C2orf69: variants seen among roughly 807,000 people sequenced by gnomAD.
The protein encoded by C2orf69 is chromosome 2 open reading frame 69.
A neutral mutation model predicts 29.5 loss-of-function variants in C2orf69; 19 were observed. The observed-to-expected ratio is 0.65, with a 90% confidence interval of 0.45 to 0.95. The LOEUF (loss-of-function observed/expected upper bound fraction) is 0.95, where lower values mean the gene tolerates loss of function less well. Ranked by LOEUF, C2orf69 falls within the 40% of genes least tolerant of loss-of-function variation. The pLI, the probability that C2orf69 is intolerant of heterozygous loss-of-function variation, is 0.00. For missense variants in C2orf69, 416 were observed against 482.1 expected, an observed-to-expected ratio of 0.86 and a Z score of 1.28; for synonymous variants, 194 against 180.0, an observed-to-expected ratio of 1.08 and a Z score of -0.62.
intron 1 of C2orf69, among the ~76,000 whole-genome samples, chr2:199,920,215 T>A (rs1172430411): frequency 6.6e-6 from 1 of 152,166 alleles, no homozygotes; most frequent in Non-Finnish European, 1.5e-5. Context: ...GCAGAACCAG[T>A]TTGGGCTACC....
rs1339569797 is a variant in C2orf69, at chr2:199,911,488, C to G, written c.50C>G (p.Pro17Arg). The G allele has an allele frequency of 1.1e-5, 17 of 1,547,188 alleles. No individual in the cohort carries two copies. The Admixed American group carries it at 3.0e-4, about 27-fold the overall frequency. Residue 17 changes from proline to arginine, a missense_variant, in exon 1 of 2, where the codon CCG (proline) becomes CGG (arginine). Around this residue, in one of 4 missense-constraint regions of C2orf69, gnomAD observed 175 missense variants for 139.9 expected, o/e 1.25. Transcript: ENST00000319974. ...LRSPPLLLLL[P>R]QLGIGNASSC... ...TCGCCGCCGTTGCTGCTCCTGCTGCCGCAGCTCGGAATCGGAAACGCCTCG... is the reference window on the plus strand; with the variant it reads ...TCGCCGCCGTTGCTGCTCCTGCTGCGGCAGCTCGGAATCGGAAACGCCTCG...
At chr2:199,917,322 T>C (rs1056842102) in intron 1 of C2orf69, among the ~76,000 whole-genome samples, 1 of 152,224 alleles carries the variant, frequency 6.6e-6, no homozygotes, top group Non-Finnish European at 1.5e-5. Flanking sequence ...ATTATCTTGG[T>C]GATGAACATT....
Position 199,926,940 on chromosome 2 carries a change from A to C in C2orf69, c.*1054A>C, listed in dbSNP as rs2077337380. The C allele has an allele frequency of 6.5e-6, 1 of 152,742 alleles. No individual in the cohort carries two copies. The highest frequency in any genetic ancestry group is 1.5e-5 in the Non-Finnish European group (1 of 68,010). The allele number at this position is 152,742 out of a possible 1,614,324, so 9.5% of individuals were successfully genotyped here. On this transcript the variant is annotated 3_prime_UTR_variant, in exon 2 of 2. Transcript: ENST00000319974. ...ATTAAAAAGGAAACAGATTCCATAG[A>C]TCTAAGTCAATGTTTCTCCAGAAGC...
At chr2:199,922,875 T>C (rs1383792853) in intron 1 of C2orf69, among the ~76,000 whole-genome samples, 1 of 152,216 alleles carries the variant, frequency 6.6e-6, no homozygotes, top group Non-Finnish European at 1.5e-5. Flanking sequence ...ATATCAGCCC[T>C]TGGCTCCAGA....
intron 1 of C2orf69, among the ~76,000 whole-genome samples, chr2:199,914,430 A>C (rs2077285753): frequency 2.0e-5 from 3 of 152,180 alleles, no homozygotes; most frequent in Non-Finnish European, 4.4e-5. Flanking sequence ...CATCCATTAG[A>C]ACTGTCTTTC....
At chr2:199,920,095 A>G (rs768852736) in intron 1 of C2orf69, among the ~76,000 whole-genome samples, 1 of 152,190 alleles carries the variant, frequency 6.6e-6, no homozygotes, top group Non-Finnish European at 1.5e-5. Flanking sequence ...TTATGGGGAT[A>G]GTAGTGCATT....
Position 199,911,708 on chromosome 2 carries a change from A to C in C2orf69, c.270A>C (p.Pro90=). 1 of 1,545,372 alleles carries C rather than the reference A, an allele frequency of 6.5e-7. No individual in the cohort carries two copies. The highest frequency in any genetic ancestry group is 8.7e-7 in the Non-Finnish European group (1 of 1,146,910). ...AGCGGCAGGACCTCCCCGGGGACCC[A>C]GCGAAGGAGGAGCCGCAGCCGCCGC... ...GLERQDLPGD[P]AKEEPQPPPQ... Residue 90 remains proline, a synonymous_variant, in exon 1 of 2, where the codon CCA becomes CCC. Transcript: ENST00000319974.
intron 1 of C2orf69, among the ~76,000 whole-genome samples, chr2:199,917,988 T>C (rs1183389677): frequency 6.6e-6 from 1 of 152,134 alleles, no homozygotes; most frequent in Non-Finnish European, 1.5e-5. Flanking sequence ...CTTCTTCATA[T>C]GGTGGTAGGA....
Position 199,922,130 on chromosome 2 carries a change from CTA to C in C2orf69, c.334-2930_334-2929del, listed in dbSNP as rs551239436. 8.2e-3 allele frequency among the ~76,000 whole-genome samples: 1,199 copies of C among 146,200 alleles called. 17 individuals are homozygous for C. Among genetic ancestry groups the C allele is most frequent in the African/African-American group, 0.029 (1,126 of 39,480 alleles). ...CTTTTTTTTGAGGCAAGGTCTAACTCTATTGTCAAGGCTGCAGTGCAGTGGCA... is the reference window on the plus strand; with the variant it reads ...CTTTTTTTTGAGGCAAGGTCTAACTCTTGTCAAGGCTGCAGTGCAGTGGCA... On this transcript the variant is annotated intron_variant, in intron 1 of 1. Coordinates refer to ENST00000319974, the MANE Select transcript of C2orf69 (RefSeq NM_153689.6).
Position 199,913,192 on chromosome 2 carries a change from T to TTC in C2orf69, c.333+1422_333+1423insCT, listed in dbSNP as rs1491312553. Among the ~76,000 whole-genome samples the TTC allele has an allele frequency of 1.1e-4, 11 of 102,746 alleles. 1 individual carries two copies. In the East Asian group the frequency reaches 1.2e-3, roughly 11 times the overall value. The allele number at this position is 102,746 out of a possible 152,430, so 67.4% of individuals were successfully genotyped here. ...TATATTATATATAAAATTATATATA[T>TTC]TATATATAATATATAATATATTATA... is the stretch of plus-strand genomic sequence containing the variant. On this transcript the variant is annotated intron_variant, in intron 1 of 1. Coordinates refer to ENST00000319974, the MANE Select transcript of C2orf69 (RefSeq NM_153689.6).
chr2:199,919,736 T>G (rs1433071898), intron 1 of C2orf69, among the ~76,000 whole-genome samples: 1 of 152,194 alleles, frequency 6.6e-6, no homozygotes, highest in Non-Finnish European at 1.5e-5. Context: ...CCTTGTGACC[T>G]AATCACCTCT....
intron 1 of C2orf69, among the ~76,000 whole-genome samples, chr2:199,923,609 C>T (rs887088280): frequency 6.6e-5 from 10 of 151,742 alleles, no homozygotes; most frequent in African/African-American, 1.9e-4. Context: ...ACTATAAGTA[C>T]GAAATACACA....
intron 1 of C2orf69, among the ~76,000 whole-genome samples, chr2:199,917,978 C>T (rs1235454819): frequency 6.6e-6 from 1 of 152,188 alleles, no homozygotes; most frequent in South Asian, 2.1e-4. Flanking sequence ...CAAACATGCC[C>T]TTCTTCATAT....
chr2:199,918,484 C>T (rs1272608070), intron 1 of C2orf69, among the ~76,000 whole-genome samples: 7 of 152,242 alleles, frequency 4.6e-5, no homozygotes. Flanking sequence ...GCCTCAGCCT[C>T]CTGAGTAGCT....
chr2:199,925,533 GTTTTGAATCAGTTGCT>G lies in C2orf69; in HGVS notation c.814_829del (p.Gln272Ter). 1.2e-6 allele frequency: 2 copies of G among 1,613,864 alleles called. No homozygotes were observed. The highest frequency in any genetic ancestry group is 1.7e-6 in the Non-Finnish European group (2 of 1,179,826). ...GATTGGATTCAGTAAAGGTTGTGTT[GTTTTGAATCAGTTGCT>G]TTTTGAATTGAAAGAAGCCAAGAAA... On this transcript the variant is annotated frameshift_variant, in exon 2 of 2. Coordinates refer to ENST00000319974, the MANE Select transcript of C2orf69 (RefSeq NM_153689.6). LOFTEE classifies it high-confidence loss of function. The surrounding 1 kb of genome is among the most constrained non-coding windows in gnomAD (Gnocchi z 4.9).
chr2:199,923,176 C>T (rs964842092), intron 1 of C2orf69, among the ~76,000 whole-genome samples: 1 of 152,194 alleles, frequency 6.6e-6, no homozygotes, highest in African/African-American at 2.4e-5. Flanking sequence ...CTTTCCTGAC[C>T]ATTCTGTGTT....
chr2:199,911,313 C>T lies in C2orf69; in HGVS notation c.-126C>T, dbSNP rs2077254780. The T allele has an allele frequency of 9.2e-6, 11 of 1,200,974 alleles. No homozygotes were observed. In the South Asian group the frequency reaches 1.4e-4, roughly 15 times the overall value. 74.4% of individuals were successfully genotyped at this position (1,200,974 alleles called of 1,614,324 possible). ...TCGGCCTCTGACGTCGTCGCCTCAG[C>T]GCCGGCTCCCGGCCGGGCCGCGGCC... On this transcript the variant is annotated 5_prime_UTR_variant, in exon 1 of 2. Coordinates refer to ENST00000319974, the MANE Select transcript of C2orf69 (RefSeq NM_153689.6).
chr2:199,911,886 A>G (rs1163589978), intron 1 of C2orf69, 115 bp downstream of exon 1: 6 of 1,404,034 alleles, frequency 4.3e-6, no homozygotes, highest in South Asian at 4.0e-5. Context: ...ACACACCCAC[A>G]CATTCACTGA....
In C2orf69 at chr2:199,911,423, C is replaced by T. The variant is rs956629186; in HGVS notation, c.-16C>T. 1.3e-6 allele frequency: 2 copies of T among 1,505,670 alleles called. No homozygotes were observed. The highest frequency in any genetic ancestry group is 1.3e-5 in the South Asian group (1 of 78,376). 93.3% of individuals were successfully genotyped at this position (1,505,670 alleles called of 1,614,324 possible). ...CGCCACCCTCCACCTCCGAACCGCT[C>T]TCGCGGCGGCGACCCATGTGGGGGT... is the stretch of plus-strand genomic sequence containing the variant. On this transcript the variant is annotated 5_prime_UTR_variant, in exon 1 of 2. Transcript: ENST00000319974.
Sources: allele counts gnomAD v4.1 joint callset (sites outside exome capture counted in the v4.1 genomes callset), GRCh38; gene constraint gnomAD v4.1.1; regional missense constraint gnomAD v4.1.1; non-coding constraint Gnocchi (gnomAD v3.1); transcripts MANE v1.5; gene names NCBI Gene and HGNC (gene_info 2026-07-23, HGNC 2026-07-21).